Variants in PAPPA2 observed in about 807,000 individuals in gnomAD.
The protein encoded by PAPPA2 is pappalysin-2.
Under a neutral mutation model 176.4 loss-of-function variants are expected in PAPPA2, and 86 were observed. The ratio of observed to expected loss-of-function variants is 0.49; its 90% confidence interval spans 0.41 to 0.58. PAPPA2 has a LOEUF of 0.58. PAPPA2 is among the 20% of genes least tolerant of loss of function. The pLI is 0.00. For synonymous variants in PAPPA2, 809 were observed against 852.2 expected (o/e 0.95, Z 0.88); for missense variants, 2,073 against 2,256.9 (o/e 0.92, Z 1.65).
intron 3 of PAPPA2, among the ~76,000 whole-genome samples, chr1:176,647,009 C>T (rs934675992): frequency 6.6e-6 from 1 of 151,528 alleles, no homozygotes; most frequent in African/African-American, 2.4e-5. Flanking sequence ...AGTGATTGTA[C>T]TAATTTATAT....
chr1:176,498,425 A>G (rs1236274669), intron 1 of PAPPA2, among the ~76,000 whole-genome samples: 1 of 152,160 alleles, frequency 6.6e-6, no homozygotes, highest in Non-Finnish European at 1.5e-5. Context: ...ACCAGAGCTT[A>G]TAATTTTGGT....
Position 176,702,553 on chromosome 1 carries a change from A to G in PAPPA2, c.3237-54A>G, listed in dbSNP as rs1660697789. 5.0e-6 allele frequency: 8 copies of G among 1,601,772 alleles called. No homozygotes were observed. In the African/African-American group the frequency reaches 5.4e-5, roughly 11 times the overall value. ...TCTGTGAACCATCAACAAAGGACCCAGGGCATGCCTCACTTTGTGGCTGTA... is the reference window on the plus strand; with the variant it reads ...TCTGTGAACCATCAACAAAGGACCCGGGGCATGCCTCACTTTGTGGCTGTA... On this transcript the variant is annotated intron_variant, in intron 8 of 22. Transcript: ENST00000367662.
chr1:176,718,870 A>G (rs766540843), intron 12 of PAPPA2, among the ~76,000 whole-genome samples: 1 of 152,066 alleles, frequency 6.6e-6, no homozygotes, highest in Non-Finnish European at 1.5e-5. Context: ...ATTGTTGGAT[A>G]AAGCATTCCA....
intron 4 of PAPPA2, among the ~76,000 whole-genome samples, chr1:176,684,585 A>G (rs936093183): frequency 1.3e-5 from 2 of 152,122 alleles, no homozygotes; most frequent in African/African-American, 4.8e-5. Flanking sequence ...TTTATCTGTC[A>G]TCTGTGTTTC....
intron 3 of PAPPA2, among the ~76,000 whole-genome samples, chr1:176,615,164 A>C (rs959404144): frequency 6.6e-6 from 1 of 152,226 alleles, no homozygotes; most frequent in African/African-American, 2.4e-5. Flanking sequence ...GCTAAAAATA[A>C]TTAATAGCTC....
intron 17 of PAPPA2, 58 bp downstream of exon 17, chr1:176,771,238 GT>G: frequency 6.5e-7 from 1 of 1,545,294 alleles, no homozygotes; most frequent in South Asian, 1.1e-5. Context: ...TGTTATGTTT[GT>G]TTTTCTGTAT....
intron 1 of PAPPA2, among the ~76,000 whole-genome samples, chr1:176,546,939 TG>T (rs1650671017): frequency 1.3e-5 from 2 of 152,172 alleles, no homozygotes. Flanking sequence ...CCAAAAATGG[TG>T]TCATTGAAAT....
intron 14 of PAPPA2, among the ~76,000 whole-genome samples, chr1:176,742,677 A>C (rs1197436085): frequency 6.6e-6 from 1 of 152,176 alleles, no homozygotes. Context: ...AATATAACTG[A>C]AACCTAAATC....
intron 3 of PAPPA2, among the ~76,000 whole-genome samples, chr1:176,666,559 ATATGTGTGTGTGTG>A (rs1437969852): frequency 1.4e-4 from 17 of 123,352 alleles, no homozygotes; most frequent in South Asian, 1.1e-3. Flanking sequence ...AAGTAAATAT[ATATGTGTGTGTGTG>A]TGTGTGTGTG....
intron 2 of PAPPA2, 116 bp from the exon 3 acceptor site, chr1:176,594,408 T>A: frequency 1.2e-6 from 1 of 861,774 alleles, no homozygotes; most frequent in East Asian, 2.7e-5. Context: ...GTCGCTTACT[T>A]TATTCCCCAT....
intron 14 of PAPPA2, among the ~76,000 whole-genome samples, chr1:176,752,342 T>TAAAA (rs58591760): frequency 3.6e-3 from 346 of 96,104 alleles, no homozygotes; most frequent in Non-Finnish European, 4.7e-3. Context: ...TAGAGTATAA[T>TAAAA]AAAAAAAAAA....
intron 12 of PAPPA2, among the ~76,000 whole-genome samples, chr1:176,726,720 C>A (rs720683): frequency 0.078 from 11,883 of 152,176 alleles, 598 homozygotes; most frequent in Non-Finnish European, 0.11. Context: ...TTGTGATTAT[C>A]TTTGTTTGTG....
At chr1:176,816,377 G>GCACACA (rs66557602) in intron 21 of PAPPA2, among the ~76,000 whole-genome samples, 4 of 144,892 alleles carry the variant, frequency 2.8e-5, no homozygotes, top group African/African-American at 7.7e-5. Flanking sequence ...ACATCATCAC[G>GCACACA]CACACACACA....
chr1:176,601,634 T>A (rs533756963), intron 3 of PAPPA2, among the ~76,000 whole-genome samples: 1 of 152,344 alleles, frequency 6.6e-6, no homozygotes, highest in East Asian at 1.9e-4. Context: ...TGTTTCTACA[T>A]AGTAGCTGCC....
intron 14 of PAPPA2, among the ~76,000 whole-genome samples, chr1:176,741,542 A>G (rs773239049): frequency 2.0e-5 from 3 of 152,258 alleles, no homozygotes; most frequent in South Asian, 2.1e-4. Context: ...GTGATAGTCC[A>G]TTACTTCTGG....
At chr1:176,475,897 C>A (rs1219336720) in intron 1 of PAPPA2, among the ~76,000 whole-genome samples, 2 of 152,052 alleles carry the variant, frequency 1.3e-5, no homozygotes, top group African/African-American at 4.8e-5. Context: ...ATTGAGACAC[C>A]TAACTAATAC....
intron 21 of PAPPA2, among the ~76,000 whole-genome samples, chr1:176,835,433 A>T (rs943931722): frequency 1.3e-5 from 2 of 152,200 alleles, no homozygotes; most frequent in African/African-American, 4.8e-5. Context: ...GGATTGCTGG[A>T]TCACATAATT....
intron 2 of PAPPA2, among the ~76,000 whole-genome samples, chr1:176,583,686 G>A (rs1033073259): frequency 6.6e-6 from 1 of 152,142 alleles, no homozygotes; most frequent in Non-Finnish European, 1.5e-5. Flanking sequence ...TGAGCCACCT[G>A]TCTTGTCCTA....
chr1:176,567,404 G>T (rs1652052768), intron 2 of PAPPA2, among the ~76,000 whole-genome samples: 2 of 152,220 alleles, frequency 1.3e-5, no homozygotes, highest in Non-Finnish European at 2.9e-5. Flanking sequence ...CCAGTTACCT[G>T]ATCAGAAGGA....
Sources: gnomAD v4.1 joint callset for allele counts (sites outside exome capture counted in the v4.1 genomes callset) on GRCh38, gnomAD v4.1.1 for gene constraint, MANE v1.5 for transcripts, NCBI Gene and HGNC (gene_info 2026-07-23, HGNC 2026-07-21) for gene names.